MRPL41: variants seen among roughly 807,000 people sequenced by gnomAD.
MRPL41 encodes the protein large ribosomal subunit protein mL41.
Under a neutral mutation model 3.3 loss-of-function variants are expected in MRPL41, and 2 were observed. The ratio of observed to expected loss-of-function variants is 0.60; its 90% CI spans 0.25 to 1.90. The LOEUF is 1.90. Among genes scored for constraint, MRPL41 ranks in the 40% most tolerant of loss-of-function variants. The probability of loss-of-function intolerance (pLI) is 0.16; values close to 1 mark genes in which losing one functional copy is unlikely to be tolerated. For synonymous variants in MRPL41, 93 were observed against 85.7 expected (o/e 1.08, Z -0.47); for missense variants, 161 against 192.2 (o/e 0.84, Z 0.96).
Position 137,552,073 on chromosome 9 carries a change from G to A in MRPL41, c.-8-1G>A, listed in dbSNP as rs1836980293. 1.5e-6 allele frequency: 2 copies of A among 1,340,076 alleles called. No individual in the cohort carries two copies. The highest frequency in any genetic ancestry group is 3.0e-5 in the African/African-American group (2 of 66,384). The allele number at this position is 1,340,076 out of a possible 1,614,324, so 83.0% of individuals were successfully genotyped here. A position where few individuals can be genotyped will look rare whatever the true frequency, so the allele number is the denominator to read the frequency against. ...CGACTACCCGCTCTCTCCTCCCGCA[G>A]GGCGCGGCATGGGCGTCCTGGCCGC... On this transcript the variant is annotated splice_acceptor_variant, in intron 1 of 1. Transcript: ENST00000371443. LOFTEE classifies it low-confidence loss of function (5UTR_SPLICE).
Position 137,552,093 on chromosome 9 carries a change from G to T in MRPL41, c.12G>T (p.Leu4=). ...CCGCAGGGCGCGGCATGGGCGTCCT[G>T]GCCGCAGCGGCGCGCTGCCTGGTCC... is the stretch of plus-strand genomic sequence containing the variant. MGV[L]AAAARCLVRG... is the part of the protein sequence containing the mutation. The change falls in exon 2 of 2, where the codon CTG becomes CTT. Residue 4 remains leucine, a synonymous_variant. Transcript: ENST00000371443. 3 of 1,387,986 alleles carry T rather than the reference G, an allele frequency of 2.2e-6. No homozygotes were observed. Among genetic ancestry groups the T allele is most frequent in the Non-Finnish European group, 2.8e-6 (3 of 1,067,394 alleles). 86.0% of individuals were successfully genotyped at this position (1,387,986 alleles called of 1,614,324 possible). A position where few individuals can be genotyped will look rare whatever the true frequency, so the allele number is the denominator to read the frequency against.
rs747681813 is a variant in MRPL41 at position 137,552,120 on chromosome 9, G to A, written c.39G>A (p.Arg13=). The change falls in exon 2 of 2, where the codon CGG becomes CGA. Residue 13 remains arginine (R), a synonymous_variant. Transcript: ENST00000371443. The part of the protein sequence containing the change: ...VLAAAARCLV[R]GADRMSKWTS... ...CCGCAGCGGCGCGCTGCCTGGTCCG[G>A]GGTGCGGACCGAATGAGCAAGTGGA... 2.1e-6 allele frequency: 3 copies of A among 1,436,694 alleles called. No homozygotes were observed. In the Admixed American group the frequency reaches 8.4e-5, roughly 40 times the overall value. The allele number at this position is 1,436,694 out of a possible 1,614,324, so 89.0% of individuals were successfully genotyped here. A position where few individuals can be genotyped will look rare whatever the true frequency, so the allele number is the denominator to read the frequency against.
Position 137,551,918 on chromosome 9 carries a change from C to G in MRPL41, c.-69C>G, listed in dbSNP as rs1430320691. On this transcript the variant is annotated 5_prime_UTR_variant, in exon 1 of 2. Transcript: ENST00000371443. ...GCAGCGGTCGGAAGCGGAGCAAGGTCGAGGCCGGGTTGGCGCCGGAGCCGG... is the reference window on the plus strand; with the variant it reads ...GCAGCGGTCGGAAGCGGAGCAAGGTGGAGGCCGGGTTGGCGCCGGAGCCGG... 2.1e-6 allele frequency: 1 copy of G among 486,662 alleles called. No homozygotes were observed. The highest frequency in any genetic ancestry group is 3.2e-6 in the Non-Finnish European group (1 of 311,754). 30.1% of individuals were successfully genotyped at this position (486,662 alleles called of 1,614,324 possible).
chr9:137,551,937 G>A lies in MRPL41; in HGVS notation c.-50G>A. ...CAAGGTCGAGGCCGGGTTGGCGCCGGAGCCGGGGCCGCTTGGAGCTCGTGT... is the reference window on the plus strand; with the variant it reads ...CAAGGTCGAGGCCGGGTTGGCGCCGAAGCCGGGGCCGCTTGGAGCTCGTGT... On this transcript the variant is annotated 5_prime_UTR_variant, in exon 1 of 2. Coordinates refer to ENST00000371443, the MANE Select transcript of MRPL41 (RefSeq NM_032477.3). 1 of 608,618 alleles carries A rather than the reference G, an allele frequency of 1.6e-6. No homozygotes were observed. Among genetic ancestry groups the A allele is most frequent in the Non-Finnish European group, 2.4e-6 (1 of 422,586 alleles). 37.7% of individuals were successfully genotyped at this position (608,618 alleles called of 1,614,324 possible).
In MRPL41 at chr9:137,552,519, C is replaced by T. The variant is rs1407740979; in HGVS notation, c.*24C>T. The T allele has an allele frequency of 1.7e-5, 26 of 1,509,818 alleles. No individual in the cohort carries two copies. Among genetic ancestry groups the T allele is most frequent in the Non-Finnish European group, 2.2e-5 (25 of 1,128,156 alleles). The allele number at this position is 1,509,818 out of a possible 1,614,324, so 93.5% of individuals were successfully genotyped here. ...AGCTGGGCGGGGGAGGGGCGGCCTG[C>T]CCTCATCTCATTTCTATTAAACGCC... On this transcript the variant is annotated 3_prime_UTR_variant, in exon 2 of 2. Transcript: ENST00000371443.
chr9:137,552,408 C>A lies in MRPL41; in HGVS notation c.327C>A (p.Phe109Leu). ...AIEKDFKDGT[F>L]DPDNLEKYGF... Reference sequence around the variant, plus strand: ...AAAAGGACTTCAAGGACGGTACCTTCGACCCTGACAACCTGGAAAAGTACG... The same window carrying A: ...AAAAGGACTTCAAGGACGGTACCTTAGACCCTGACAACCTGGAAAAGTACG... Residue 109 changes from phenylalanine (F) to leucine (L), a missense_variant, in exon 2 of 2, where the codon TTC becomes TTA. By Grantham distance (22) the Phe-to-Leu change is conservative. Coordinates refer to ENST00000371443, the MANE Select transcript of MRPL41 (RefSeq NM_032477.3). 1.2e-6 allele frequency: 2 copies of A among 1,608,578 alleles called. No homozygotes were observed. Among genetic ancestry groups the A allele is most frequent in the Non-Finnish European group, 8.5e-7 (1 of 1,177,724 alleles).
At position 137,552,550 on chromosome 9, in the gene MRPL41, C is replaced by G. The variant is rs1837004504; in HGVS notation, c.*55C>G. 2 of 1,466,686 alleles carry G rather than the reference C, an allele frequency of 1.4e-6. No individual in the cohort carries two copies. The highest frequency in any genetic ancestry group is 1.8e-6 in the Non-Finnish European group (2 of 1,101,474). 90.9% of individuals were successfully genotyped at this position (1,466,686 alleles called of 1,614,324 possible). On this transcript the variant is annotated 3_prime_UTR_variant, in exon 2 of 2. Coordinates refer to ENST00000371443, the MANE Select transcript of MRPL41 (RefSeq NM_032477.3). ...TCTCATTTCTATTAAACGCCTTTGC[C>G]AGCTATACGGTGTTTGTTTTTTGGC...
Position 137,552,423 on chromosome 9 carries a change from G to C in MRPL41, c.342G>C (p.Leu114=). The change falls in exon 2 of 2, where the codon CTG becomes CTC. Residue 114 remains leucine (L), a synonymous_variant. Transcript: ENST00000371443. ...ACGGTACCTTCGACCCTGACAACCT[G>C]GAAAAGTACGGCTTCGAGCCCACAC... is the stretch of plus-strand genomic sequence containing the variant. ...FKDGTFDPDN[L]EKYGFEPTQE... is the part of the protein sequence containing the mutation. 1 of 1,606,464 alleles carries C rather than the reference G, an allele frequency of 6.2e-7. No individual in the cohort carries two copies. Among genetic ancestry groups the C allele is most frequent in the Non-Finnish European group, 8.5e-7 (1 of 1,176,556 alleles).
chr9:137,552,057 G>A lies in MRPL41; in HGVS notation c.-8-17G>A. The A allele has an allele frequency of 7.7e-7, 1 of 1,294,970 alleles. No homozygotes were observed. The allele number at this position is 1,294,970 out of a possible 1,614,324, so 80.2% of individuals were successfully genotyped here. A position where few individuals can be genotyped will look rare whatever the true frequency, so the allele number is the denominator to read the frequency against. ...CGGGTTCCCGGGGCCGCGACTACCC[G>A]CTCTCTCCTCCCGCAGGGCGCGGCA... is the stretch of plus-strand genomic sequence containing the variant. On this transcript the variant is annotated splice_polypyrimidine_tract_variant and intron_variant, in intron 1 of 1. Coordinates refer to ENST00000371443, the MANE Select transcript of MRPL41 (RefSeq NM_032477.3).
Position 137,551,931 on chromosome 9 carries a change from GC to G in MRPL41, c.-55del, listed in dbSNP as rs892632306. ...GCGGAGCAAGGTCGAGGCCGGGTTG[GC>G]GCCGGAGCCGGGGCCGCTTGGAGCT... On this transcript the variant is annotated 5_prime_UTR_variant, in exon 1 of 2. Transcript: ENST00000371443. 3.6e-6 allele frequency: 2 copies of G among 560,118 alleles called. No homozygotes were observed. Among genetic ancestry groups the G allele is most frequent in the African/African-American group, 3.9e-5 (2 of 51,206 alleles). 34.7% of individuals were successfully genotyped at this position (560,118 alleles called of 1,614,324 possible). A position where few individuals can be genotyped will look rare whatever the true frequency, so the allele number is the denominator to read the frequency against.
chr9:137,551,974 T>G lies in MRPL41; in HGVS notation c.-13T>G, dbSNP rs1228730549. On this transcript the variant is annotated 5_prime_UTR_variant, in exon 1 of 2. Coordinates refer to ENST00000371443, the MANE Select transcript of MRPL41 (RefSeq NM_032477.3). The stretch of plus-strand genomic sequence containing the variant: ...CTTGGAGCTCGTGTGGGGTCTCCGG[T>G]CCAGGTGAGTCTGTCGGATTGGGGC... 1 of 934,376 alleles carries G rather than the reference T, an allele frequency of 1.1e-6. No individual in the cohort carries two copies. The highest frequency in any genetic ancestry group is 1.4e-6 in the Non-Finnish European group (1 of 717,682). The allele number at this position is 934,376 out of a possible 1,614,324, so 57.9% of individuals were successfully genotyped here.
Position 137,551,995 on chromosome 9 carries a change from G to T in MRPL41, c.-9+17G>T. The T allele has an allele frequency of 9.0e-7, 1 of 1,110,598 alleles. No individual in the cohort carries two copies. The highest frequency in any genetic ancestry group is 1.1e-6 in the Non-Finnish European group (1 of 876,688). 68.8% of individuals were successfully genotyped at this position (1,110,598 alleles called of 1,614,324 possible). A position where few individuals can be genotyped will look rare whatever the true frequency, so the allele number is the denominator to read the frequency against. ...CCGGTCCAGGTGAGTCTGTCGGATT[G>T]GGGCGGGCGCCGCGCGCGGCCAGGG... On this transcript the variant is annotated intron_variant, in intron 1 of 1. Coordinates refer to ENST00000371443, the MANE Select transcript of MRPL41 (RefSeq NM_032477.3).
rs774520329 is a variant in MRPL41 at position 137,552,160 on chromosome 9, C to T, written c.79C>T (p.Pro27Ser). Residue 27 changes from proline (P) to serine (S), a missense_variant, in exon 2 of 2, where the codon CCG becomes TCG. Physicochemically the swap from Pro to Ser is moderately conservative, Grantham distance 74 (BLOSUM62 -1). Transcript: ENST00000371443. Reference protein sequence around the residue: ...RMSKWTSKRGPRSFRGRKGRG... With the variant: ...RMSKWTSKRGSRSFRGRKGRG... Reference sequence around the variant, plus strand: ...GAGCAAGTGGACGAGCAAGCGGGGCCCGCGCAGCTTCAGGGGCCGCAAGGG... The same window carrying T: ...GAGCAAGTGGACGAGCAAGCGGGGCTCGCGCAGCTTCAGGGGCCGCAAGGG... 5.3e-6 allele frequency: 8 copies of T among 1,519,532 alleles called. No homozygotes were observed. Among genetic ancestry groups the T allele is most frequent in the Middle Eastern group, 1.8e-4 (1 of 5,636 alleles). The allele number at this position is 1,519,532 out of a possible 1,614,324, so 94.1% of individuals were successfully genotyped here.
chr9:137,552,041 G>C (rs1175233320), intron 1 of MRPL41, 33 bp from the exon 2 acceptor site: 50 of 1,262,624 alleles, frequency 4.0e-5, no homozygotes, highest in Non-Finnish European at 4.7e-5. Flanking sequence ...CCGGGTTCCC[G>C]GGGCCGCGAC....
At position 137,552,267 on chromosome 9, in the gene MRPL41, C is replaced by T; in HGVS notation, c.186C>T (p.Val62=). 1.3e-6 allele frequency: 2 copies of T among 1,587,414 alleles called. No individual in the cohort carries two copies. Among genetic ancestry groups the T allele is most frequent in the Non-Finnish European group, 1.7e-6 (2 of 1,165,598 alleles). Residue 62 remains valine, a synonymous_variant, in exon 2 of 2, where the codon GTC becomes GTT. Transcript: ENST00000371443. ...QIKEMVPEFV[V]PDLTGFKLKP... is the part of the protein sequence containing the mutation. The stretch of plus-strand genomic sequence containing the variant: ...AGGAGATGGTCCCGGAGTTCGTCGT[C>T]CCGGATCTGACCGGCTTCAAGCTCA...
rs766708388 is a variant in MRPL41 at position 137,552,178 on chromosome 9, C to A, written c.97C>A (p.Arg33Ser). 1 of 1,542,386 alleles carries A rather than the reference C, an allele frequency of 6.5e-7. No homozygotes were observed. Among genetic ancestry groups the A allele is most frequent in the African/African-American group, 1.4e-5 (1 of 71,240 alleles). The change falls in exon 2 of 2, where the codon CGC becomes AGC. Residue 33 changes from arginine to serine, a missense_variant. Transcript: ENST00000371443. ...SKRGPRSFRG[R>S]KGRGAKGIGF... is the part of the protein sequence containing the mutation. ...GCGGGGCCCGCGCAGCTTCAGGGGCCGCAAGGGCCGGGGCGCCAAGGGCAT... is the reference window on the plus strand; with the variant it reads ...GCGGGGCCCGCGCAGCTTCAGGGGCAGCAAGGGCCGGGGCGCCAAGGGCAT...
rs564678638 is a variant in MRPL41, at chr9:137,551,895, A to G, written c.-92A>G. On this transcript the variant is annotated 5_prime_UTR_variant, in exon 1 of 2. Transcript: ENST00000371443. ...ATCGGAGCCGCTCTTGCTGCGACGCAGCGGTCGGAAGCGGAGCAAGGTCGA... is the reference window on the plus strand; with the variant it reads ...ATCGGAGCCGCTCTTGCTGCGACGCGGCGGTCGGAAGCGGAGCAAGGTCGA... 7.3e-6 allele frequency: 3 copies of G among 410,108 alleles called. No individual in the cohort carries two copies. The highest frequency in any genetic ancestry group is 4.6e-5 in the Admixed American group (1 of 21,894). 25.4% of individuals were successfully genotyped at this position (410,108 alleles called of 1,614,324 possible).
chr9:137,552,033 G>T, intron 1 of MRPL41, 41 bp from the exon 2 acceptor site: 1 of 1,257,962 alleles, frequency 7.9e-7, no homozygotes, highest in South Asian at 3.2e-5. Flanking sequence ...GGGGCTGGCC[G>T]GGTTCCCGGG....
rs546538703 is a variant in MRPL41, at chr9:137,552,211, C to T, written c.130C>T (p.Leu44Phe). Reference protein sequence around the residue: ...KGRGAKGIGFLTSGWRFVQIK... With the variant: ...KGRGAKGIGFFTSGWRFVQIK... ...CCGGGGCGCCAAGGGCATCGGCTTC[C>T]TCACCTCGGGCTGGAGGTTCGTGCA... The change falls in exon 2 of 2, where the codon CTC (leucine) becomes TTC (phenylalanine). Residue 44 changes from leucine to phenylalanine, a missense_variant. Transcript: ENST00000371443. The T allele has an allele frequency of 1.8e-5, 28 of 1,566,724 alleles. 1 individual carries two copies. In the South Asian group the frequency reaches 2.3e-4, roughly 13 times the overall value.
Sources: gnomAD v4.1 joint callset for allele counts on GRCh38, gnomAD v4.1.1 for gene constraint, MANE v1.5 for transcripts, NCBI Gene and HGNC (gene_info 2026-07-23, HGNC 2026-07-21) for gene names.